The following PABPC4L variants were observed in gnomAD, a reference collection of about 807,000 sequenced individuals.
PABPC4L encodes the protein polyadenylate-binding protein 4-like.
For synonymous variants in PABPC4L, 169 were observed against 164.1 expected (o/e 1.03, Z -0.23); for missense variants, 452 against 451.4 (o/e 1.00, Z -0.01).
the PABPC4L span, among the ~76,000 whole-genome samples, chr4:134,039,220 T>C: frequency 2.6e-5 from 4 of 152,038 alleles, no homozygotes; most frequent in African/African-American, 4.8e-5. Context: ...TTTTGCATTT[T>C]TTGAGGAGTG....
the PABPC4L span, among the ~76,000 whole-genome samples, chr4:134,115,649 A>C: frequency 2.0e-5 from 3 of 151,828 alleles, no homozygotes; most frequent in Non-Finnish European, 2.9e-5. Context: ...AAGAATAAAG[A>C]AGTACAATTT....
the PABPC4L span, among the ~76,000 whole-genome samples, chr4:133,976,069 C>T: frequency 1.3e-5 from 2 of 152,028 alleles, no homozygotes; most frequent in Non-Finnish European, 2.9e-5. Flanking sequence ...AGGTATTAAG[C>T]CCAGCAAGCA....
At chr4:134,164,649 C>G in the PABPC4L span, among the ~76,000 whole-genome samples, 1 of 152,004 alleles carries the variant, frequency 6.6e-6, no homozygotes, top group Non-Finnish European at 1.5e-5. Context: ...ATAAATACAT[C>G]CTATGCTCAT....
the PABPC4L span, among the ~76,000 whole-genome samples, chr4:134,056,715 A>AT: frequency 4.6e-5 from 7 of 151,936 alleles, no homozygotes; most frequent in East Asian, 9.6e-4. Context: ...AATACAATTG[A>AT]TTTTTTACTA....
At chr4:134,184,421 C>G in the PABPC4L span, among the ~76,000 whole-genome samples, 990 of 152,078 alleles carry the variant, frequency 6.5e-3, 9 homozygotes, top group African/African-American at 0.022. Context: ...TCCCCACCAC[C>G]ACTGGCAACC....
the PABPC4L span, among the ~76,000 whole-genome samples, chr4:134,161,564 C>T: frequency 6.6e-6 from 1 of 151,974 alleles, no homozygotes; most frequent in African/African-American, 2.4e-5. Context: ...ATGTTATTTC[C>T]AGCAAAATTA....
chr4:133,987,307 A>C, the PABPC4L span, among the ~76,000 whole-genome samples: 1 of 152,154 alleles, frequency 6.6e-6, no homozygotes, highest in Non-Finnish European at 1.5e-5. Context: ...AGAAAAGCTA[A>C]CTTTATTCAA....
the PABPC4L span, among the ~76,000 whole-genome samples, chr4:134,067,235 C>A: frequency 6.6e-6 from 1 of 152,048 alleles, no homozygotes; most frequent in South Asian, 2.1e-4. Flanking sequence ...TTCAGGAATT[C>A]AATGTATCCC....
the PABPC4L span, among the ~76,000 whole-genome samples, chr4:134,147,958 T>C: frequency 6.6e-6 from 1 of 152,088 alleles, no homozygotes; most frequent in South Asian, 2.1e-4. Context: ...GAAAATGGCA[T>C]AAAGTCACAC....
the PABPC4L span, among the ~76,000 whole-genome samples, chr4:134,047,135 T>C: frequency 6.6e-6 from 1 of 152,166 alleles, no homozygotes; most frequent in Non-Finnish European, 1.5e-5. Flanking sequence ...TGCATCCTCT[T>C]GAGGGAGACA....
chr4:134,045,117 T>C, the PABPC4L span, among the ~76,000 whole-genome samples: 3 of 152,184 alleles, frequency 2.0e-5, no homozygotes, highest in East Asian at 5.8e-4. Context: ...GCATATAAAA[T>C]TTATACTTTA....
the PABPC4L span, among the ~76,000 whole-genome samples, chr4:133,989,692 C>G: frequency 6.6e-6 from 1 of 152,090 alleles, no homozygotes; most frequent in Non-Finnish European, 1.5e-5. Context: ...CTGCTTGTTA[C>G]CCAGTTCTGA....
At chr4:133,987,243 T>C in the PABPC4L span, among the ~76,000 whole-genome samples, 1 of 152,200 alleles carries the variant, frequency 6.6e-6, no homozygotes, top group Non-Finnish European at 1.5e-5. Flanking sequence ...TGAATACATT[T>C]CTAAGGTATG....
the PABPC4L span, among the ~76,000 whole-genome samples, chr4:134,140,591 A>G: frequency 6.6e-6 from 1 of 151,844 alleles, no homozygotes; most frequent in Non-Finnish European, 1.5e-5. Flanking sequence ...GTAGGGTGGA[A>G]TTAATGTTAG....
the PABPC4L span, among the ~76,000 whole-genome samples, chr4:133,954,179 C>G: frequency 2.0e-5 from 3 of 152,192 alleles, no homozygotes; most frequent in Non-Finnish European, 2.9e-5. Context: ...CTTCCTCTGG[C>G]CTTCCTTTTG....
At chr4:133,972,989 A>G in the PABPC4L span, among the ~76,000 whole-genome samples, 1 of 152,190 alleles carries the variant, frequency 6.6e-6, no homozygotes, top group Non-Finnish European at 1.5e-5. Context: ...TGCCATTAGC[A>G]TAATTACTCA....
the PABPC4L span, among the ~76,000 whole-genome samples, chr4:133,955,439 A>G: frequency 6.6e-6 from 1 of 152,142 alleles, no homozygotes; most frequent in East Asian, 1.9e-4. Flanking sequence ...AGGTATTTCA[A>G]ATTAAACACT....
chr4:134,119,345 A>G, the PABPC4L span, among the ~76,000 whole-genome samples: 1 of 151,778 alleles, frequency 6.6e-6, no homozygotes, highest in South Asian at 2.1e-4. Context: ...TGCTTTTTAA[A>G]GAGAAGTAGA....
At chr4:134,006,962 T>C in the PABPC4L span, among the ~76,000 whole-genome samples, 1 of 151,878 alleles carries the variant, frequency 6.6e-6, no homozygotes. Flanking sequence ...GATATGTAAT[T>C]AACAGTAACT....
Sources: gnomAD v4.1 joint callset for allele counts (sites outside exome capture counted in the v4.1 genomes callset) on GRCh38, gnomAD v4.1.1 for gene constraint, MANE v1.5 for transcripts, NCBI Gene and HGNC (gene_info 2026-07-23, HGNC 2026-07-21) for gene names.